BAZ2B: variants seen among roughly 807,000 people sequenced by gnomAD.
BAZ2B encodes the protein bromodomain adjacent to zinc finger domain protein 2B.
Under a neutral mutation model 246.0 loss-of-function variants are expected in BAZ2B, and 91 were observed. The observed-to-expected ratio is 0.37, with a 90% CI of 0.31 to 0.44. The LOEUF (loss-of-function observed/expected upper bound fraction) is 0.44, where lower values mean the gene tolerates loss of function less well. Ranked by LOEUF, BAZ2B falls within the 20% of genes least tolerant of loss-of-function variation. The pLI, the probability that BAZ2B is intolerant of heterozygous loss-of-function variation, is 1.00. For synonymous variants in BAZ2B, 855 were observed against 860.0 expected, an observed-to-expected ratio of 0.99 and a Z score of 0.10; for missense variants, 2,332 against 2,533.7, an observed-to-expected ratio of 0.92 and a Z score of 1.71.
chr2:159,630,315 T>C, the BAZ2B span, among the ~76,000 whole-genome samples: 1 of 151,832 alleles, frequency 6.6e-6, no homozygotes, highest in Non-Finnish European at 1.5e-5. Flanking sequence ...AGAGTGAGAC[T>C]GCATCTCAAA....
At chr2:159,461,871 CTT>C (rs1195149309) in intron 3 of BAZ2B, 1 of 152,706 alleles carries the variant, frequency 6.5e-6, no homozygotes, top group Non-Finnish European at 1.5e-5. Context: ...CCAATCCAAA[CTT>C]TGGAAAATTA....
At chr2:159,498,290 C>T (rs750107438) in intron 2 of BAZ2B, among the ~76,000 whole-genome samples, 7 of 152,048 alleles carry the variant, frequency 4.6e-5, no homozygotes, top group Non-Finnish European at 8.8e-5. Flanking sequence ...CAATAAAAGT[C>T]AACATTATTT....
At chr2:159,377,167 A>T (rs1045620142) in intron 25 of BAZ2B, among the ~76,000 whole-genome samples, 5 of 152,176 alleles carry the variant, frequency 3.3e-5, no homozygotes, top group African/African-American at 9.7e-5. Flanking sequence ...TCTCAATAAG[A>T]AAACCTCCCT....
chr2:159,629,467 A>C, the BAZ2B span, among the ~76,000 whole-genome samples: 82,681 of 152,020 alleles, frequency 0.54, 23,360 homozygotes, highest in East Asian at 0.74. Context: ...AATGTGGCAC[A>C]TATACAACAT....
chr2:159,557,525 T>C lies in BAZ2B; in HGVS notation c.-45-1660A>G, dbSNP rs1316385365. Among the ~76,000 whole-genome samples, 4 of 152,194 alleles carry C rather than the reference T, an allele frequency of 2.6e-5. No homozygotes were observed. In the East Asian group the frequency reaches 7.7e-4, roughly 29 times the overall value. On this transcript the variant is annotated intron_variant, in intron 1 of 36. Coordinates refer to ENST00000392783, the MANE Select transcript of BAZ2B (RefSeq NM_013450.4). ...ATCAAATTTGTTCCACTTCAGGGCC[T>C]TGACACTTGCTCTTCCCTCTGCCTG...
the BAZ2B span, among the ~76,000 whole-genome samples, chr2:159,680,169 T>C: frequency 1.3e-5 from 2 of 152,082 alleles, no homozygotes; most frequent in Non-Finnish European, 2.9e-5. Context: ...CAAAATCCAA[T>C]GTATACAAGA....
intron 2 of BAZ2B, among the ~76,000 whole-genome samples, chr2:159,544,977 C>T (rs938430320): frequency 1.3e-5 from 2 of 152,172 alleles, no homozygotes; most frequent in Non-Finnish European, 2.9e-5. Context: ...GTTAGCAAGA[C>T]AGCTGAATTC....
chr2:159,628,814 A>G, the BAZ2B span, among the ~76,000 whole-genome samples: 1 of 152,370 alleles, frequency 6.6e-6, no homozygotes, highest in South Asian at 2.1e-4. Flanking sequence ...GCCAAAATTG[A>G]CAAATGGGAC....
chr2:159,663,962 G>C, the BAZ2B span, among the ~76,000 whole-genome samples: 1 of 92,798 alleles, frequency 1.1e-5, no homozygotes, highest in Middle Eastern at 5.5e-3. Flanking sequence ...TGCCATGCTG[G>C]TGCGCTGCAC....
intron 5 of BAZ2B, 134 bp from the exon 6 acceptor site, chr2:159,447,109 A>G: frequency 1.6e-6 from 1 of 607,908 alleles, no homozygotes. Context: ...GTCATGTTGT[A>G]TGATTCCATC....
At chr2:159,660,864 C>T in the BAZ2B span, among the ~76,000 whole-genome samples, 1 of 152,120 alleles carries the variant, frequency 6.6e-6, no homozygotes, top group African/African-American at 2.4e-5. Context: ...TCCCAAAGTG[C>T]TAGGATTACA....
intron 17 of BAZ2B, 103 bp from the exon 18 acceptor site, chr2:159,398,997 CAGT>C: frequency 1.0e-6 from 1 of 960,350 alleles, no homozygotes; most frequent in South Asian, 1.5e-5. Flanking sequence ...AGGTACGAAA[CAGT>C]ATGTAACACA....
intron 3 of BAZ2B, among the ~76,000 whole-genome samples, chr2:159,473,548 T>C (rs1356437862): frequency 6.6e-6 from 1 of 152,148 alleles, no homozygotes; most frequent in Non-Finnish European, 1.5e-5. Context: ...GGTTTTTTGT[T>C]TCTCTATCTC....
Position 159,496,977 on chromosome 2 carries a change from T to C in BAZ2B, c.-2-18256A>G, listed in dbSNP as rs1269295992. 5.3e-5 allele frequency among the ~76,000 whole-genome samples: 8 copies of C among 152,090 alleles called. No individual in the cohort carries two copies. In the East Asian group the frequency reaches 9.6e-4, roughly 18 times the overall value. On this transcript the variant is annotated intron_variant, in intron 2 of 36. Transcript: ENST00000392783. The stretch of plus-strand genomic sequence containing the variant: ...TTTGAGCATTAACTACAAATCTCTA[T>C]GCTGGTTTAGTCGTTAGAAAATAAA...
the BAZ2B span, among the ~76,000 whole-genome samples, chr2:159,685,403 A>T: frequency 2.6e-5 from 4 of 152,146 alleles, no homozygotes; most frequent in South Asian, 6.2e-4. Flanking sequence ...AGCTCTTAAA[A>T]TTTTTTTTGC....
At chr2:159,470,139 TA>T (rs1028433965) in intron 3 of BAZ2B, among the ~76,000 whole-genome samples, 1 of 152,008 alleles carries the variant, frequency 6.6e-6, no homozygotes, top group Admixed American at 6.5e-5. Context: ...GGCTTAACTA[TA>T]AAAAAATTAA....
the BAZ2B span, among the ~76,000 whole-genome samples, chr2:159,621,892 G>C: frequency 6.6e-6 from 1 of 152,086 alleles, no homozygotes; most frequent in Admixed American, 6.5e-5. Flanking sequence ...GATCACCTGA[G>C]ATCAAGAGTT....
At chr2:159,476,259 T>TA (rs913943787) in intron 3 of BAZ2B, among the ~76,000 whole-genome samples, 14 of 151,522 alleles carry the variant, frequency 9.2e-5, no homozygotes, top group Non-Finnish European at 1.5e-4. Context: ...CTGTGAAAGT[T>TA]AAAAAAAAAT....
At chr2:159,626,427 A>G in the BAZ2B span, among the ~76,000 whole-genome samples, 1 of 152,118 alleles carries the variant, frequency 6.6e-6, no homozygotes, top group African/African-American at 2.4e-5. Flanking sequence ...TAAGACGTAA[A>G]ACACTCCTCA....
Sources: allele counts gnomAD v4.1 joint callset (sites outside exome capture counted in the v4.1 genomes callset), GRCh38; gene constraint gnomAD v4.1.1; transcripts MANE v1.5; gene names NCBI Gene and HGNC (gene_info 2026-07-23, HGNC 2026-07-21).